ERC1: variants seen among roughly 807,000 people sequenced by gnomAD.
ERC1 encodes the protein RAB6 interacting protein 2.
ERC1 carries 56 observed loss-of-function variants against 132.0 expected under a neutral mutation model. That is an observed-to-expected ratio of 0.42 (90% confidence interval 0.34 to 0.53). The LOEUF (loss-of-function observed/expected upper bound fraction) is 0.53, where lower values mean the gene tolerates loss of function less well. ERC1 is among the 20% of genes least tolerant of loss of function. The pLI, the probability that ERC1 is intolerant of heterozygous loss-of-function variation, is 0.03. For missense variants in ERC1, 1,202 were observed against 1,349.9 expected, an observed-to-expected ratio of 0.89 and a Z score of 1.72; for synonymous variants, 478 against 476.1, an observed-to-expected ratio of 1.00 and a Z score of -0.05.
chr12:1,250,401 CCT>C (rs1364598802), intron 13 of ERC1, among the ~76,000 whole-genome samples: 8 of 152,004 alleles, frequency 5.3e-5, no homozygotes, highest in African/African-American at 1.9e-4. Context: ...TATAATTGCC[CCT>C]GTGTGATTTA....
In ERC1 at chr12:1,109,411, G is replaced by C. The variant is rs761166975; in HGVS notation, c.1162-781G>C. Among the ~76,000 whole-genome samples, 162 of 152,210 alleles carry C rather than the reference G, an allele frequency of 1.1e-3. 4 individuals carry two copies. The highest frequency in any genetic ancestry group is 8.4e-4 in the Non-Finnish European group (57 of 68,012). Reference sequence around the variant, plus strand: ...TGTAATTTTTATTATTGCACATATAGCTGTACACGTTACTGTATAAATCTT... The same window carrying C: ...TGTAATTTTTATTATTGCACATATACCTGTACACGTTACTGTATAAATCTT... On this transcript the variant is annotated intron_variant, in intron 4 of 18. Coordinates refer to ENST00000360905, the MANE Select transcript of ERC1 (RefSeq NM_178040.4).
At chr12:1,268,297 G>C (rs749798370) in intron 14 of ERC1, among the ~76,000 whole-genome samples, 7 of 152,148 alleles carry the variant, frequency 4.6e-5, no homozygotes, top group Admixed American at 1.3e-4. Context: ...AAATGGCAGT[G>C]TTGCTCTGAA....
intron 7 of ERC1, among the ~76,000 whole-genome samples, chr12:1,129,169 A>G (rs186567196): frequency 6.6e-6 from 1 of 152,320 alleles, no homozygotes. Flanking sequence ...GGAACCATAG[A>G]TAAACTAATC....
At chr12:1,021,407 C>CA (rs1966346083) in intron 1 of ERC1, among the ~76,000 whole-genome samples, 1 of 151,888 alleles carries the variant, frequency 6.6e-6, no homozygotes, top group Non-Finnish European at 1.5e-5. Flanking sequence ...TTACTACTTA[C>CA]TATAAAAGTG....
At chr12:1,440,414 G>A (rs182842422) in intron 17 of ERC1, among the ~76,000 whole-genome samples, 1,899 of 149,912 alleles carry the variant, frequency 0.013, 25 homozygotes, top group East Asian at 0.042. Context: ...CACCGTGTTA[G>A]CCAGGATGGT....
intron 8 of ERC1, among the ~76,000 whole-genome samples, chr12:1,173,605 A>T (rs1307222845): frequency 2.0e-5 from 3 of 152,182 alleles, no homozygotes; most frequent in African/African-American, 7.2e-5. Context: ...TCCTATGGGT[A>T]CTTGAATTAG....
intron 18 of ERC1, among the ~76,000 whole-genome samples, chr12:1,454,052 C>T (rs540997490): frequency 6.6e-6 from 1 of 152,110 alleles, no homozygotes; most frequent in East Asian, 1.9e-4. Flanking sequence ...CAGCCCACAC[C>T]CCAGCCTCTA....
At chr12:1,417,712 C>G (rs757878808) in intron 17 of ERC1, among the ~76,000 whole-genome samples, 4 of 141,504 alleles carry the variant, frequency 2.8e-5, no homozygotes, top group Non-Finnish European at 4.5e-5. Flanking sequence ...ACGCAGGAGA[C>G]AAAGGTTGCA....
At chr12:1,303,955 G>GAAAAAAAAAAAAAA (rs59587052) in intron 15 of ERC1, among the ~76,000 whole-genome samples, 1 of 86,484 alleles carries the variant, frequency 1.2e-5, no homozygotes, top group Non-Finnish European at 2.7e-5. Context: ...CTCCATCTCA[G>GAAAAAAAAAAAAAA]AAAAAAAAAA....
chr12:1,070,278 C>T (rs1208557124), intron 2 of ERC1, among the ~76,000 whole-genome samples: 3 of 151,484 alleles, frequency 2.0e-5, no homozygotes, highest in Non-Finnish European at 2.9e-5. Flanking sequence ...ATCATCCCTT[C>T]TTTTTTTCTT....
At chr12:1,193,112 A>T (rs1196532882) in intron 12 of ERC1, among the ~76,000 whole-genome samples, 2 of 152,168 alleles carry the variant, frequency 1.3e-5, no homozygotes, top group Admixed American at 1.3e-4. Context: ...TTATAAAAGG[A>T]TCTCCAATAT....
At chr12:1,108,358 C>G (rs1945485859) in intron 4 of ERC1, among the ~76,000 whole-genome samples, 1 of 152,280 alleles carries the variant, frequency 6.6e-6, no homozygotes, top group East Asian at 1.9e-4. Flanking sequence ...GTTCCGGCTG[C>G]CATGTGATGT....
intron 15 of ERC1, among the ~76,000 whole-genome samples, chr12:1,324,540 G>C (rs73036623): frequency 0.035 from 5,268 of 152,218 alleles, 98 homozygotes; most frequent in Middle Eastern, 0.075. Context: ...GACGGTCACT[G>C]GGGTAATCCA....
intron 15 of ERC1, among the ~76,000 whole-genome samples, chr12:1,356,573 T>C (rs78520460): frequency 0.022 from 3,285 of 152,278 alleles, 103 homozygotes; most frequent in African/African-American, 0.073. Flanking sequence ...GAGAGAACCT[T>C]CAAATTAAAA....
chr12:1,231,511 G>C (rs990223051), intron 12 of ERC1, among the ~76,000 whole-genome samples: 5 of 152,126 alleles, frequency 3.3e-5, no homozygotes, highest in Non-Finnish European at 5.9e-5. Flanking sequence ...TTACCAGTGA[G>C]TTTTATACTT....
At chr12:1,440,339 G>A (rs575418603) in intron 17 of ERC1, among the ~76,000 whole-genome samples, 5 of 148,292 alleles carry the variant, frequency 3.4e-5, no homozygotes, top group East Asian at 2.0e-4. Flanking sequence ...CGAGTAGCTG[G>A]GACTACAGAC....
chr12:1,188,796 T>C (rs560041562), intron 11 of ERC1, among the ~76,000 whole-genome samples: 9 of 152,328 alleles, frequency 5.9e-5, no homozygotes, highest in Admixed American at 5.2e-4. Context: ...TTTTCTCCTT[T>C]AATATTTTTT....
At chr12:1,252,064 G>C (rs747190322) in intron 13 of ERC1, among the ~76,000 whole-genome samples, 1 of 152,126 alleles carries the variant, frequency 6.6e-6, no homozygotes, top group African/African-American at 2.4e-5. Context: ...ATACAAGCAT[G>C]TAATGTGTAA....
chr12:1,030,118 T>C (rs1291941782), intron 2 of ERC1, among the ~76,000 whole-genome samples: 1 of 152,224 alleles, frequency 6.6e-6, no homozygotes, highest in East Asian at 1.9e-4. Context: ...CCAAGTTGTC[T>C]GTACTTTTAG....
Sources: gnomAD v4.1 joint callset for allele counts (sites outside exome capture counted in the v4.1 genomes callset) on GRCh38, gnomAD v4.1.1 for gene constraint, MANE v1.5 for transcripts, NCBI Gene and HGNC (gene_info 2026-07-23, HGNC 2026-07-21) for gene names.